Variants in KATNBL1 observed in about 807,000 individuals in gnomAD.
KATNBL1 encodes KATNB1-like protein 1.
Under a neutral mutation model 44.7 loss-of-function variants are expected in KATNBL1, and 28 were observed. The ratio of observed to expected loss-of-function variants is 0.63; its 90% confidence interval spans 0.46 to 0.86. The LOEUF (loss-of-function observed/expected upper bound fraction) is 0.86. Ranked by LOEUF, KATNBL1 falls within the 40% of genes least tolerant of loss-of-function variation. The pLI is 0.00. For missense variants in KATNBL1, 272 were observed against 350.7 expected (o/e 0.78, Z 1.79); for synonymous variants, 78 against 114.9 (o/e 0.68, Z 2.06).
chr15:34,147,480 T>TTA (rs1888344873), intron 5 of KATNBL1, 50 bp from the exon 6 acceptor site: 1 of 1,409,832 alleles, frequency 7.1e-7, no homozygotes, highest in Non-Finnish European at 9.9e-7. Flanking sequence ...ATTTCCTTAT[T>TTA]TACTTTCATA....
chr15:34,206,032 C>A (rs1252680823), intron 1 of KATNBL1, among the ~76,000 whole-genome samples: 7 of 152,184 alleles, frequency 4.6e-5, no homozygotes, highest in Non-Finnish European at 1.5e-5. Flanking sequence ...CAATAAGTAA[C>A]TATTTTATAG....
At chr15:34,193,236 CAA>C (rs869058713) in intron 1 of KATNBL1, among the ~76,000 whole-genome samples, 105 of 79,190 alleles carry the variant, frequency 1.3e-3, no homozygotes, top group Middle Eastern at 7.6e-3. Flanking sequence ...AAAAAAAAAA[CAA>C]AAAAAAAACT....
intron 1 of KATNBL1, among the ~76,000 whole-genome samples, chr15:34,190,493 A>G (rs1293016220): frequency 6.6e-6 from 1 of 152,240 alleles, no homozygotes; most frequent in Non-Finnish European, 1.5e-5. Flanking sequence ...AAAGCTGTCT[A>G]GTTAAGCAAC....
In KATNBL1 at chr15:34,181,690, C is replaced by A. The variant is rs62016520; in HGVS notation, c.-14-18000G>T. Among the ~76,000 whole-genome samples the A allele has an allele frequency of 7.8e-5, 3 of 38,488 alleles. 1 individual carries two copies. Among genetic ancestry groups the A allele is most frequent in the African/African-American group, 2.6e-4 (3 of 11,484 alleles). 25.2% of individuals were successfully genotyped at this position (38,488 alleles called of 152,430 possible). ...TCCATATATATACACATATATATGT[C>A]CATATATATATCCATATATATGGAC... is the stretch of plus-strand genomic sequence containing the variant. On this transcript the variant is annotated intron_variant, in intron 1 of 9. Coordinates refer to ENST00000256544, the MANE Select transcript of KATNBL1 (RefSeq NM_024713.3).
chr15:34,186,469 G>T (rs1889719206), intron 1 of KATNBL1, among the ~76,000 whole-genome samples: 1 of 152,186 alleles, frequency 6.6e-6, no homozygotes, highest in South Asian at 2.1e-4. Flanking sequence ...TGCCTTCCAG[G>T]GTGCAGCTGC....
Position 34,147,483 on chromosome 15 carries a change from C to T in KATNBL1, c.558-53G>A, listed in dbSNP as rs1888344946. On this transcript the variant is annotated intron_variant, in intron 5 of 9. Coordinates refer to ENST00000256544, the MANE Select transcript of KATNBL1 (RefSeq NM_024713.3). Reference sequence around the variant, plus strand: ...CTTAGAGAGCTGATTTCCTTATTTACTTTCATATTATGATTATTCACACCG... The same window carrying T: ...CTTAGAGAGCTGATTTCCTTATTTATTTTCATATTATGATTATTCACACCG... 9.4e-6 allele frequency: 13 copies of T among 1,386,216 alleles called. No homozygotes were observed. In the Admixed American group the frequency reaches 2.3e-4, roughly 24 times the overall value. The allele number at this position is 1,386,216 out of a possible 1,614,324, so 85.9% of individuals were successfully genotyped here.
chr15:34,197,099 G>A (rs987606820), intron 1 of KATNBL1, among the ~76,000 whole-genome samples: 2 of 152,224 alleles, frequency 1.3e-5, no homozygotes, highest in African/African-American at 4.8e-5. Flanking sequence ...GCTACTAGAG[G>A]TGGAGAACAA....
chr15:34,153,762 G>C (rs1205426469), intron 3 of KATNBL1, among the ~76,000 whole-genome samples: 1 of 152,048 alleles, frequency 6.6e-6, no homozygotes, highest in Non-Finnish European at 1.5e-5. Context: ...GTAGAGACAG[G>C]GTTTCACCCT....
At chr15:34,194,078 A>T (rs1597460757) in intron 1 of KATNBL1, among the ~76,000 whole-genome samples, 1 of 151,890 alleles carries the variant, frequency 6.6e-6, no homozygotes, top group African/African-American at 2.4e-5. Context: ...AGCAGCTGGG[A>T]CTACAGGTGC....
intron 1 of KATNBL1, among the ~76,000 whole-genome samples, chr15:34,201,644 C>T (rs763289288): frequency 1.3e-5 from 2 of 152,124 alleles, no homozygotes; most frequent in African/African-American, 2.4e-5. Context: ...TTGGTGAATT[C>T]GCCAAATTCC....
chr15:34,189,372 G>C (rs759727094), intron 1 of KATNBL1, among the ~76,000 whole-genome samples: 7 of 152,164 alleles, frequency 4.6e-5, no homozygotes, highest in Non-Finnish European at 7.3e-5. Context: ...TCCAAAGAAA[G>C]TTAAACACCA....
At position 34,186,572 on chromosome 15, in the gene KATNBL1, G is replaced by C. The variant is rs1290065541; in HGVS notation, c.-14-22882C>G. Among the ~76,000 whole-genome samples, 3 of 152,178 alleles carry C rather than the reference G, an allele frequency of 2.0e-5. No homozygotes were observed. The East Asian group carries it at 5.8e-4, about 29-fold the overall frequency. ...GCGGGAGCCCTGCCTCTTCCAAATT[G>C]GTGGGGTGGGAGCTCCCCTGTGCAG... On this transcript the variant is annotated intron_variant, in intron 1 of 9. Coordinates refer to ENST00000256544, the MANE Select transcript of KATNBL1 (RefSeq NM_024713.3).
intron 1 of KATNBL1, among the ~76,000 whole-genome samples, chr15:34,204,380 TTTC>T (rs1890241844): frequency 6.6e-6 from 1 of 152,194 alleles, no homozygotes; most frequent in Non-Finnish European, 1.5e-5. Flanking sequence ...ATTTAATTCT[TTTC>T]TTATTACAGT....
chr15:34,146,441 T>A (rs973738768), intron 8 of KATNBL1: 1 of 206,916 alleles, frequency 4.8e-6, no homozygotes, highest in South Asian at 1.1e-4. Context: ...GTGCCTCCAT[T>A]CCTTATTACA....
chr15:34,154,698 G>GT lies in KATNBL1; in HGVS notation c.118-15dup. 1 of 1,536,394 alleles carries GT rather than the reference G, an allele frequency of 6.5e-7. No homozygotes were observed. The highest frequency in any genetic ancestry group is 1.1e-5 in the South Asian group (1 of 89,294). The stretch of plus-strand genomic sequence containing the variant: ...AGATTTCTTAACCTGAAAAATGAAA[G>GT]TAGATAGTTGATGTTAGAAACAAAT... On this transcript the variant is annotated splice_polypyrimidine_tract_variant and intron_variant, in intron 2 of 9. Transcript: ENST00000256544.
intron 1 of KATNBL1, among the ~76,000 whole-genome samples, chr15:34,196,874 A>G (rs1309212363): frequency 6.6e-6 from 1 of 152,230 alleles, no homozygotes; most frequent in African/African-American, 2.4e-5. Context: ...ATTTATGTTT[A>G]GCTTTCTAAT....
At chr15:34,186,340 A>G (rs553413066) in intron 1 of KATNBL1, among the ~76,000 whole-genome samples, 1 of 152,330 alleles carries the variant, frequency 6.6e-6, no homozygotes, top group South Asian at 2.1e-4. Flanking sequence ...TTGTAGACCC[A>G]GGTCTCCTGC....
chr15:34,143,200 T>G (rs1307759034), intron 9 of KATNBL1, among the ~76,000 whole-genome samples: 1 of 148,802 alleles, frequency 6.7e-6, no homozygotes, highest in East Asian at 2.0e-4. Context: ...TGTGGCCGGG[T>G]GTGGTGGCTC....
At position 34,141,268 on chromosome 15, in the gene KATNBL1, G is replaced by A. The variant is rs1205767226; in HGVS notation, c.*1071C>T. 6.6e-6 allele frequency: 1 copy of A among 152,552 alleles called. No individual in the cohort carries two copies. The highest frequency in any genetic ancestry group is 2.4e-5 in the African/African-American group (1 of 41,436). 9.4% of individuals were successfully genotyped at this position (152,552 alleles called of 1,614,324 possible). A position where few individuals can be genotyped will look rare whatever the true frequency, so the allele number is the denominator to read the frequency against. On this transcript the variant is annotated 3_prime_UTR_variant, in exon 10 of 10. Transcript: ENST00000256544. ...ATTAGAGGAGGTAGTGACACAAAGTGTTGGAATTTAAAATACAAGATCAGC... is the reference window on the plus strand; with the variant it reads ...ATTAGAGGAGGTAGTGACACAAAGTATTGGAATTTAAAATACAAGATCAGC...
Sources: allele counts gnomAD v4.1 joint callset (sites outside exome capture counted in the v4.1 genomes callset), GRCh38; gene constraint gnomAD v4.1.1; transcripts MANE v1.5; gene names NCBI Gene and HGNC (gene_info 2026-07-23, HGNC 2026-07-21).